Variants in ULK2 observed in about 807,000 individuals in gnomAD.
The protein encoded by ULK2 is unc-51 like autophagy activating kinase 2, also known as serine/threonine-protein kinase ULK2.
Under a neutral mutation model 127.5 loss-of-function variants are expected in ULK2, and 76 were observed. The observed-to-expected ratio is 0.60, with a 90% CI of 0.50 to 0.72. The LOEUF (loss-of-function observed/expected upper bound fraction) is 0.72. ULK2 is among the 30% of genes least tolerant of loss of function. ULK2 has a pLI of 0.00. For synonymous variants in ULK2, 452 were observed against 461.9 expected (o/e 0.98, Z 0.28); for missense variants, 1,144 against 1,295.9 (o/e 0.88, Z 1.80).
chr17:19,818,660 C>T (rs1415534551), intron 12 of ULK2, among the ~76,000 whole-genome samples: 1 of 152,132 alleles, frequency 6.6e-6, no homozygotes, highest in East Asian at 1.9e-4. Flanking sequence ...CAACTCCCCT[C>T]GGCTCCTGAC....
chr17:19,786,091 A>C lies in ULK2; in HGVS notation c.2102-5T>G. On this transcript the variant is annotated splice_region_variant and splice_polypyrimidine_tract_variant and intron_variant, in intron 20 of 26. Transcript: ENST00000395544. ...CACCACAGGCTCCTGCCGGAGCTAC[A>C]ACAAAAAGTTTATAGAAGGTCATAT... 1 of 1,559,536 alleles carries C rather than the reference A, an allele frequency of 6.4e-7. No homozygotes were observed. The highest frequency in any genetic ancestry group is 8.6e-7 in the Non-Finnish European group (1 of 1,161,086).
intron 3 of ULK2, among the ~76,000 whole-genome samples, chr17:19,860,491 T>C (rs1279058855): frequency 1.3e-5 from 2 of 151,882 alleles, no homozygotes; most frequent in Non-Finnish European, 2.9e-5. Flanking sequence ...CTCTATTTAA[T>C]AGCCAAATAC....
chr17:19,780,495 T>C lies in ULK2; in HGVS notation c.2893A>G (p.Ile965Val), dbSNP rs753359400. ...EINSVTAEKL[I>V]YNCAVEMVQS... is the part of the protein sequence containing the mutation. The stretch of plus-strand genomic sequence containing the variant: ...ACCATTTCTACAGCACAATTATAGA[T>C]GAGTTTCTCTGCAGTCACACTGTTG... Residue 965 changes from isoleucine to valine, a missense_variant, in exon 25 of 27, where the codon ATC becomes GTC. Physicochemically the swap from Ile to Val is conservative, Grantham distance 29. Around this residue, in one of 2 missense-constraint regions of ULK2, gnomAD observed 913 missense variants for 970.5 expected, o/e 0.94. Transcript: ENST00000395544. 8 of 1,612,824 alleles carry C rather than the reference T, an allele frequency of 5.0e-6. No individual in the cohort carries two copies. Among genetic ancestry groups the C allele is most frequent in the African/African-American group, 1.3e-5 (1 of 74,880 alleles).
Position 19,795,740 on chromosome 17 carries a change from G to T in ULK2, c.1998-15C>A, listed in dbSNP as rs55976194. The T allele has an allele frequency of 1.2e-6, 2 of 1,603,008 alleles. No homozygotes were observed. The highest frequency in any genetic ancestry group is 1.3e-5 in the African/African-American group (1 of 74,780). On this transcript the variant is annotated splice_polypyrimidine_tract_variant and intron_variant, in intron 19 of 26. Transcript: ENST00000395544. Reference sequence around the variant, plus strand: ...TACTGACAGATCTAAAAAGAATAGTGATGTTTTTAATAAAGGAAAAGTATA... The same window carrying T: ...TACTGACAGATCTAAAAAGAATAGTTATGTTTTTAATAAAGGAAAAGTATA...
intron 25 of ULK2, among the ~76,000 whole-genome samples, chr17:19,779,551 A>G (rs890264160): frequency 1.6e-4 from 25 of 151,624 alleles, no homozygotes; most frequent in Non-Finnish European, 2.1e-4. Context: ...AAAAAAAAAA[A>G]AAAGAAAAAC....
intron 9 of ULK2, chr17:19,840,350 T>C (rs2041714303): frequency 3.8e-6 from 2 of 521,500 alleles, no homozygotes; most frequent in African/African-American, 2.0e-5. Context: ...GATCAGCAAA[T>C]GTCTATCCTA....
In ULK2 at chr17:19,785,286, A is replaced by G. The variant is rs552488239; in HGVS notation, c.2251+651T>C. On this transcript the variant is annotated intron_variant, in intron 21 of 26. Transcript: ENST00000395544. ...GAGTGCAATGGCGCAATCTCGGCTCACTGCAACCTCCACTTCCCAGGTTCA... is the reference window on the plus strand; with the variant it reads ...GAGTGCAATGGCGCAATCTCGGCTCGCTGCAACCTCCACTTCCCAGGTTCA... Among the ~76,000 whole-genome samples, 5 of 152,284 alleles carry G rather than the reference A, an allele frequency of 3.3e-5. No individual in the cohort carries two copies. The East Asian group carries it at 9.6e-4, about 29-fold the overall frequency.
In ULK2 at chr17:19,780,643, G is replaced by A. The variant is rs750980979; in HGVS notation, c.2759-14C>T. On this transcript the variant is annotated splice_polypyrimidine_tract_variant and intron_variant, in intron 24 of 26. Transcript: ENST00000395544. ...GATTCTTGACAACTGAAAAAAAATTGAGATGGGAACTAATTTTAATTTTCC... is the reference window on the plus strand; with the variant it reads ...GATTCTTGACAACTGAAAAAAAATTAAGATGGGAACTAATTTTAATTTTCC... 4 of 1,593,920 alleles carry A rather than the reference G, an allele frequency of 2.5e-6. No homozygotes were observed. Among genetic ancestry groups the A allele is most frequent in the Non-Finnish European group, 3.4e-6 (4 of 1,170,098 alleles).
chr17:19,794,341 G>A (rs1001766200), intron 20 of ULK2, among the ~76,000 whole-genome samples: 3 of 152,128 alleles, frequency 2.0e-5, no homozygotes, highest in Admixed American at 2.0e-4. Flanking sequence ...AAGAATGAGA[G>A]AGAGAAGCAG....
At chr17:19,864,399 C>T (rs1181297318) in intron 3 of ULK2, among the ~76,000 whole-genome samples, 1 of 151,668 alleles carries the variant, frequency 6.6e-6, no homozygotes. Flanking sequence ...CGCTTAAACC[C>T]GGGAGGTAGC....
intron 22 of ULK2, among the ~76,000 whole-genome samples, chr17:19,782,354 C>T (rs1424090939): frequency 2.6e-5 from 4 of 152,020 alleles, no homozygotes; most frequent in East Asian, 1.9e-4. Context: ...GAAAGCTGAA[C>T]GATTAAATCA....
At chr17:19,836,067 G>C (rs1222064409) in intron 10 of ULK2, among the ~76,000 whole-genome samples, 1 of 149,008 alleles carries the variant, frequency 6.7e-6, no homozygotes, top group Non-Finnish European at 1.5e-5. Flanking sequence ...AGGAGTTTGA[G>C]ACAAGCCTGA....
chr17:19,785,082 C>T (rs1480029548), intron 21 of ULK2, among the ~76,000 whole-genome samples: 1 of 152,162 alleles, frequency 6.6e-6, no homozygotes, highest in Non-Finnish European at 1.5e-5. Flanking sequence ...AATCTAAATA[C>T]TTTCTTAAGT....
rs559037619 is a variant in ULK2, at chr17:19,854,235, G to A, written c.226-4461C>T. The stretch of plus-strand genomic sequence containing the variant: ...GAAGGTTGCAGTGAGCCAAGATTGC[G>A]CCACTGCACTCCAGCCTGGGCAACA... On this transcript the variant is annotated intron_variant, in intron 3 of 26. Transcript: ENST00000395544. Among the ~76,000 whole-genome samples, 44 of 147,590 alleles carry A rather than the reference G, an allele frequency of 3.0e-4. 1 individual carries two copies. The South Asian group carries it at 8.5e-3, about 29-fold the overall frequency.
At chr17:19,791,774 C>T (rs1403346229) in intron 20 of ULK2, among the ~76,000 whole-genome samples, 1 of 146,556 alleles carries the variant, frequency 6.8e-6, no homozygotes, top group Non-Finnish European at 1.5e-5. Context: ...ACAAGAATTG[C>T]TTGAACCTGG....
rs187366211 is a variant in ULK2, at chr17:19,775,091, A to T, written c.*1258T>A. 1 of 152,778 alleles carries T rather than the reference A, an allele frequency of 6.5e-6. No individual in the cohort carries two copies. The highest frequency in any genetic ancestry group is 1.9e-4 in the East Asian group (1 of 5,192). 9.5% of individuals were successfully genotyped at this position (152,778 alleles called of 1,614,324 possible). A position where few individuals can be genotyped will look rare whatever the true frequency, so the allele number is the denominator to read the frequency against. On this transcript the variant is annotated 3_prime_UTR_variant, in exon 27 of 27. Coordinates refer to ENST00000395544, the MANE Select transcript of ULK2 (RefSeq NM_014683.4). ...AGTTCAGATTATTTTATGTAAAAGG[A>T]TTAAAATAAAAGGATTAAAATTGGT...
In ULK2 at chr17:19,833,300, T is replaced by C. The variant is rs565429408; in HGVS notation, c.787+5201A>G. ...ATACACAGGGGAACGAAGCAGTCAA[T>C]AGAAACTGTCGTGAGGGGGCCAAAT... is the stretch of plus-strand genomic sequence containing the variant. On this transcript the variant is annotated intron_variant, in intron 10 of 26. Coordinates refer to ENST00000395544, the MANE Select transcript of ULK2 (RefSeq NM_014683.4). Among the ~76,000 whole-genome samples the C allele has an allele frequency of 3.9e-5, 6 of 152,034 alleles. No homozygotes were observed. The East Asian group carries it at 7.7e-4, about 20-fold the overall frequency.
At chr17:19,784,137 T>A (rs1314002268) in intron 21 of ULK2, 4 of 366,114 alleles carry the variant, frequency 1.1e-5, no homozygotes, top group Admixed American at 4.6e-5. Flanking sequence ...CTAGTTTTTT[T>A]ATACTCTGTT....
In ULK2 at chr17:19,783,842, G is replaced by A. The variant is rs766613608; in HGVS notation, c.2315C>T (p.Pro772Leu). 40 of 1,595,044 alleles carry A rather than the reference G, an allele frequency of 2.5e-5. No homozygotes were observed. In the Admixed American group the frequency reaches 2.8e-4, roughly 11 times the overall value. Residue 772 changes from proline (P) to leucine (L), a missense_variant, in exon 22 of 27, where the codon CCG (proline) becomes CTG (leucine). Transcript: ENST00000395544. ...AMSGRVCVGS[P>L]PGPGFGSSPP... ...GGAAGAGCCGAAGCCTGGGCCAGGC[G>A]GGGACCCCACGCACACGCGGCCACT...
Sources: gnomAD v4.1 joint callset for allele counts (sites outside exome capture counted in the v4.1 genomes callset) on GRCh38, gnomAD v4.1.1 for gene constraint, gnomAD v4.1.1 regional missense constraint, MANE v1.5 for transcripts, NCBI Gene and HGNC (gene_info 2026-07-23, HGNC 2026-07-21) for gene names.